The following PIP5K1C variants were observed in gnomAD, a reference collection of about 807,000 sequenced individuals.
The protein encoded by PIP5K1C is phosphatidylinositol 4-phosphate 5-kinase type-1 gamma.
Under a neutral mutation model 80.1 loss-of-function variants are expected in PIP5K1C, and 45 were observed. That is an observed-to-expected ratio of 0.56 (90% CI 0.44 to 0.72). The LOEUF is 0.72. Among genes scored for constraint, PIP5K1C ranks in the 30% least tolerant of loss-of-function variants. The pLI, the probability that PIP5K1C is intolerant of heterozygous loss-of-function variation, is 0.00. For missense variants in PIP5K1C, 753 were observed against 954.6 expected (o/e 0.79, Z 2.78); for synonymous variants, 498 against 420.1 (o/e 1.19, Z -2.27).
intron 10 of PIP5K1C, among the ~76,000 whole-genome samples, chr19:3,646,831 C>G (rs1053239864): frequency 6.6e-6 from 1 of 152,136 alleles, no homozygotes; most frequent in Non-Finnish European, 1.5e-5. Context: ...TCCTCAGTGC[C>G]TGGCCCCAGG....
At position 3,648,829 on chromosome 19, in the gene PIP5K1C, C is replaced by T; in HGVS notation, c.1128-121G>A. 1 of 787,058 alleles carries T rather than the reference C, an allele frequency of 1.3e-6. No homozygotes were observed. 48.8% of individuals were successfully genotyped at this position (787,058 alleles called of 1,614,324 possible). On this transcript the variant is annotated intron_variant, in intron 8 of 17. Transcript: ENST00000335312. This position sits in a 1 kb window ranked among gnomAD's most constrained non-coding sequence, Gnocchi z 4.3. Reference sequence around the variant, plus strand: ...TCCTGTGGGTGGCAACTTGGCCAAGCTCTCGGAGTGGGGCCTGGCACCCGG... The same window carrying T: ...TCCTGTGGGTGGCAACTTGGCCAAGTTCTCGGAGTGGGGCCTGGCACCCGG...
chr19:3,683,059 T>C (rs1568354604), intron 1 of PIP5K1C, among the ~76,000 whole-genome samples: 1 of 150,776 alleles, frequency 6.6e-6, no homozygotes, highest in Non-Finnish European at 1.5e-5. Context: ...GAACTCTCTC[T>C]CCCACCCAAC....
chr19:3,669,771 A>G (rs989573848), intron 1 of PIP5K1C: 7 of 151,364 alleles, frequency 4.6e-5, no homozygotes, highest in African/African-American at 1.7e-4. Context: ...CGGGAGACCC[A>G]CGTGTGTCCC....
intron 1 of PIP5K1C, among the ~76,000 whole-genome samples, chr19:3,699,974 G>C (rs1254967171): frequency 6.6e-6 from 1 of 152,142 alleles, no homozygotes; most frequent in Non-Finnish European, 1.5e-5. Context: ...AGAGACCCCC[G>C]CCTCCACCCA....
At chr19:3,667,438 G>T (rs1600030001) in intron 1 of PIP5K1C, 85 bp from the exon 2 acceptor site, 4 of 1,501,342 alleles carry the variant, frequency 2.7e-6, no homozygotes, top group Non-Finnish European at 2.8e-6. Flanking sequence ...ACCTTCTGGC[G>T]CCCCAGGCCT....
rs2034340982 is a variant in PIP5K1C at position 3,648,791 on chromosome 19, G to A, written c.1128-83C>T. 7 of 1,180,342 alleles carry A rather than the reference G, an allele frequency of 5.9e-6. No individual in the cohort carries two copies. The highest frequency in any genetic ancestry group is 8.8e-6 in the Non-Finnish European group (7 of 795,146). The allele number at this position is 1,180,342 out of a possible 1,614,324, so 73.1% of individuals were successfully genotyped here. On this transcript the variant is annotated intron_variant, in intron 8 of 17. Transcript: ENST00000335312. This position sits in a 1 kb window ranked among gnomAD's most constrained non-coding sequence, Gnocchi z 4.3. ...GCGGGGCTGGGGACTCCAGGGCTAG[G>A]GAGTCCATCTGCTCCTGTGGGTGGC...
rs535309941 is a variant in PIP5K1C, at chr19:3,653,877, G to A, written c.622-288C>T. Among the ~76,000 whole-genome samples the A allele has an allele frequency of 1.8e-3, 280 of 152,370 alleles. 3 individuals are homozygous for A. Among genetic ancestry groups the A allele is most frequent in the African/African-American group, 6.3e-3 (261 of 41,590 alleles). The stretch of plus-strand genomic sequence containing the variant: ...GCAGAAGCTTCCACACTCCCTGCCT[G>A]CCCACAGACATCGCCCTGGCTGGGC... On this transcript the variant is annotated intron_variant, in intron 6 of 17. Transcript: ENST00000335312.
chr19:3,644,390 C>T (rs2034122526), intron 11 of PIP5K1C, 139 bp from the exon 12 acceptor site: 4 of 849,648 alleles, frequency 4.7e-6, no homozygotes, highest in South Asian at 1.7e-5. Context: ...GGAAGCACCA[C>T]AACCTCTTGG....
chr19:3,681,127 G>A (rs994293134), intron 1 of PIP5K1C, among the ~76,000 whole-genome samples: 2 of 152,114 alleles, frequency 1.3e-5, no homozygotes, highest in African/African-American at 4.8e-5. Flanking sequence ...CAGTATGGAG[G>A]TATGTGGGAT....
At chr19:3,633,803 C>A (rs183981116) in intron 16 of PIP5K1C, among the ~76,000 whole-genome samples, 8 of 152,030 alleles carry the variant, frequency 5.3e-5, no homozygotes, top group African/African-American at 1.9e-4. Context: ...GTGACAGAGC[C>A]GGCGGAAGCG....
rs780859590 is a variant in PIP5K1C, at chr19:3,643,270, G to T, written c.1622C>A (p.Ser541Ter). Residue 541 changes from serine to a stop codon, truncating the protein, a stop_gained, in exon 13 of 18, where the codon TCG (serine) becomes TAG (stop). Transcript: ENST00000335312. LOFTEE classifies it high-confidence loss of function. ...GTACCGCGGCTGCTCCGACGTCTCC[G>T]AGGGGGACCGCTCAGGAATGGAGAG... is the stretch of plus-strand genomic sequence containing the variant. ...TSLSIPERSP[S>*]ETSEQPRYRR... 6.2e-7 allele frequency: 1 copy of T among 1,613,734 alleles called. No homozygotes were observed. The highest frequency in any genetic ancestry group is 8.5e-7 in the Non-Finnish European group (1 of 1,179,862).
At chr19:3,698,510 G>C (rs562284105) in intron 1 of PIP5K1C, among the ~76,000 whole-genome samples, 1 of 152,322 alleles carries the variant, frequency 6.6e-6, no homozygotes, top group African/African-American at 2.4e-5. Context: ...AGTCATAAAC[G>C]TGTGGCATTT....
In PIP5K1C at chr19:3,691,120, C is replaced by T. The variant is rs187198930; in HGVS notation, c.94+9177G>A. 1.2e-3 allele frequency among the ~76,000 whole-genome samples: 186 copies of T among 152,304 alleles called. 1 individual carries two copies. The highest frequency in any genetic ancestry group is 4.3e-3 in the African/African-American group (178 of 41,572). On this transcript the variant is annotated intron_variant, in intron 1 of 17. Transcript: ENST00000335312. Reference sequence around the variant, plus strand: ...GTTCCAAGAAAACAAAGAGGAAATGCTGCGAAGAGCCACAAGGACTTTTTC... The same window carrying T: ...GTTCCAAGAAAACAAAGAGGAAATGTTGCGAAGAGCCACAAGGACTTTTTC...
At chr19:3,650,011 G>A in intron 8 of PIP5K1C, 1 of 180,416 alleles carries the variant, frequency 5.5e-6, no homozygotes, top group Non-Finnish European at 1.2e-5. Flanking sequence ...CCCCCGCCAG[G>A]CCAGCGAAGA....
chr19:3,637,081 G>C lies in PIP5K1C; in HGVS notation c.1920+1803C>G. ...CTCCTCCCCGTCTCCATGGCCCTGC[G>C]GTTCAGAGCCCGGCCCTGCAGCCAC... On this transcript the variant is annotated intron_variant, in intron 16 of 17. Transcript: ENST00000335312. This position sits in a 1 kb window ranked among gnomAD's most constrained non-coding sequence, Gnocchi z 7.0. 3 of 1,244,036 alleles carry C rather than the reference G, an allele frequency of 2.4e-6. No homozygotes were observed. The highest frequency in any genetic ancestry group is 3.0e-6 in the Non-Finnish European group (3 of 987,478). 77.1% of individuals were successfully genotyped at this position (1,244,036 alleles called of 1,614,324 possible).
intron 9 of PIP5K1C, 62 bp from the exon 10 acceptor site, chr19:3,647,448 C>T: frequency 7.2e-7 from 1 of 1,381,520 alleles, no homozygotes; most frequent in African/African-American, 1.4e-5. Context: ...GGCCACCTCA[C>T]TCAGGGGCCA....
At chr19:3,672,989 C>T (rs1049911506) in intron 1 of PIP5K1C, among the ~76,000 whole-genome samples, 53 of 150,768 alleles carry the variant, frequency 3.5e-4, no homozygotes, top group African/African-American at 1.2e-3. Context: ...GGAGAGCCCA[C>T]GGCAGGGGAG....
intron 16 of PIP5K1C, among the ~76,000 whole-genome samples, chr19:3,634,777 C>A (rs770704211): frequency 6.6e-6 from 1 of 152,240 alleles, no homozygotes; most frequent in Non-Finnish European, 1.5e-5. Flanking sequence ...AAAGGGCCCA[C>A]CTCTGTGCTC....
Position 3,645,985 on chromosome 19 carries a change from C to G in PIP5K1C, c.1334G>C (p.Arg445Pro). The G allele has an allele frequency of 6.2e-7, 1 of 1,613,230 alleles. No individual in the cohort carries two copies. The highest frequency in any genetic ancestry group is 2.2e-5 in the East Asian group (1 of 44,858). Residue 445 changes from arginine (R) to proline (P), a missense_variant, in exon 11 of 18, where the codon CGG (arginine) becomes CCG (proline). This residue lies in a region of PIP5K1C where 114 missense variants were observed against 152.4 expected (regional missense o/e 0.75). Transcript: ENST00000335312. ...CTCAGGTGGCTTACAGGAGTTCTTC[C>G]GAAAGACCGTGTTGCTCATGAACTT... ...FFKFMSNTVFRKNSSLKSSPS... is the reference protein window; with the variant it reads ...FFKFMSNTVFPKNSSLKSSPS...
Sources: gnomAD v4.1 joint callset for allele counts (sites outside exome capture counted in the v4.1 genomes callset) on GRCh38, gnomAD v4.1.1 for gene constraint, gnomAD v4.1.1 regional missense constraint, Gnocchi (gnomAD v3.1) non-coding constraint, MANE v1.5 for transcripts, NCBI Gene and HGNC (gene_info 2026-07-23, HGNC 2026-07-21) for gene names.